The following ANO3 variants were observed in gnomAD, a reference collection of about 807,000 sequenced individuals.
ANO3 encodes the protein anoctamin 3.
Under a neutral mutation model 144.8 loss-of-function variants are expected in ANO3, and 99 were observed. The ratio of observed to expected loss-of-function variants is 0.68; its 90% CI spans 0.58 to 0.81. The LOEUF (loss-of-function observed/expected upper bound fraction) is 0.81, where lower values mean the gene tolerates loss of function less well. Among genes scored for constraint, ANO3 ranks in the 30% least tolerant of loss-of-function variants. The probability of loss-of-function intolerance (pLI) is 0.00; values close to 1 mark genes in which losing one functional copy is unlikely to be tolerated. For missense variants in ANO3, 905 were observed against 1,202.2 expected (o/e 0.75, Z 3.66); for synonymous variants, 414 against 392.6 (o/e 1.05, Z -0.64).
At chr11:26,484,220 G>GA (rs1860349609) in intron 4 of ANO3, among the ~76,000 whole-genome samples, 1 of 152,122 alleles carries the variant, frequency 6.6e-6, no homozygotes, top group Non-Finnish European at 1.5e-5. Context: ...TGGTAGAAAT[G>GA]AAAAACTGAT....
At chr11:26,301,054 A>T (rs1295293095) in intron 1 of ANO3, among the ~76,000 whole-genome samples, 1 of 147,438 alleles carries the variant, frequency 6.8e-6, no homozygotes, top group Non-Finnish European at 1.5e-5. Flanking sequence ...GGGTTTCACC[A>T]TGTTGGCCAG....
At position 26,483,630 on chromosome 11, in the gene ANO3, A is replaced by C. The variant is rs1860318540; in HGVS notation, c.432+20482A>C. Among the ~76,000 whole-genome samples, 11 of 152,298 alleles carry C rather than the reference A, an allele frequency of 7.2e-5. No individual in the cohort carries two copies. The South Asian group carries it at 2.1e-3, about 29-fold the overall frequency. Reference sequence around the variant, plus strand: ...TTCCTATACAGCCTGCAGAACCATGAGCCAATTAAACCTCTGTTCTTTATA... The same window carrying C: ...TTCCTATACAGCCTGCAGAACCATGCGCCAATTAAACCTCTGTTCTTTATA... On this transcript the variant is annotated intron_variant, in intron 4 of 26. Coordinates refer to ENST00000256737, the MANE Select transcript of ANO3 (RefSeq NM_031418.4).
At chr11:26,459,255 A>G (rs1287250290) in intron 3 of ANO3, among the ~76,000 whole-genome samples, 2 of 152,196 alleles carry the variant, frequency 1.3e-5, no homozygotes, top group East Asian at 3.9e-4. Context: ...CTGGAGATGC[A>G]GAATTATTAG....
chr11:26,659,831 G>A (rs1166767090), intron 26 of ANO3, among the ~76,000 whole-genome samples: 2 of 152,112 alleles, frequency 1.3e-5, no homozygotes, highest in Non-Finnish European at 2.9e-5. Context: ...CTGAGTTTGA[G>A]TCTAATGCTA....
chr11:26,491,801 A>G (rs1860720496), intron 4 of ANO3, among the ~76,000 whole-genome samples: 1 of 152,198 alleles, frequency 6.6e-6, no homozygotes, highest in South Asian at 2.1e-4. Flanking sequence ...ATTTTCTACA[A>G]AACAGCACAG....
chr11:26,189,856 G>A (rs1851442203), intron 1 of ANO3, among the ~76,000 whole-genome samples: 1 of 152,088 alleles, frequency 6.6e-6, no homozygotes, highest in Non-Finnish European at 1.5e-5. Context: ...AATTAAATGT[G>A]AAGAATAATT....
intron 1 of ANO3, among the ~76,000 whole-genome samples, chr11:26,301,984 G>C (rs535825659): frequency 6.6e-6 from 1 of 152,114 alleles, no homozygotes; most frequent in Non-Finnish European, 1.5e-5. Context: ...ATCCCAAATC[G>C]AAAAGTAGGG....
At chr11:26,636,963 C>T (rs7479072) in intron 20 of ANO3, among the ~76,000 whole-genome samples, 52,838 of 152,110 alleles carry the variant, frequency 0.35, 9,768 homozygotes, top group South Asian at 0.48. Context: ...AAATACACTA[C>T]AGCATCTAGT....
rs183598404 is a variant in ANO3 at position 26,352,210 on chromosome 11, C to T, written c.46+19889C>T. On this transcript the variant is annotated intron_variant, in intron 1 of 26. Transcript: ENST00000256737. ...GACTAAAAAACAAGTCTTTACTACC[C>T]AAGAACTCATTTCTTCCTCAAGTTA... Among the ~76,000 whole-genome samples, 87 of 152,242 alleles carry T rather than the reference C, an allele frequency of 5.7e-4. 1 individual carries two copies. Among genetic ancestry groups the T allele is most frequent in the Admixed American group, 1.5e-3 (23 of 15,300 alleles).
At chr11:26,304,715 A>C (rs898252678), upstream of ANO3, among the ~76,000 whole-genome samples, 18 of 152,142 alleles carry the variant, frequency 1.2e-4, no homozygotes, top group Admixed American at 1.0e-3. Context: ...ATGTTATACA[A>C]GTTTTCTTAG....
chr11:26,469,707 A>G (rs762958802), intron 4 of ANO3, among the ~76,000 whole-genome samples: 1 of 151,974 alleles, frequency 6.6e-6, no homozygotes, highest in Non-Finnish European at 1.5e-5. Flanking sequence ...AAAAGAGACA[A>G]GCTTAAGATG....
At chr11:26,308,028 T>C (rs1353838024), upstream of ANO3, among the ~76,000 whole-genome samples, 2 of 152,156 alleles carry the variant, frequency 1.3e-5, no homozygotes, top group African/African-American at 4.8e-5. Context: ...GGAGTTCAGC[T>C]TGCTTTCCAT....
At chr11:26,358,550 A>G (rs1467466147) in intron 1 of ANO3, among the ~76,000 whole-genome samples, 1 of 146,296 alleles carries the variant, frequency 6.8e-6, no homozygotes, top group Admixed American at 7.0e-5. Context: ...AGAATTGACC[A>G]TCATAATTTT....
intron 1 of ANO3, among the ~76,000 whole-genome samples, chr11:26,259,280 T>A (rs988722062): frequency 1.3e-5 from 2 of 152,186 alleles, no homozygotes; most frequent in Admixed American, 6.5e-5. Flanking sequence ...GATTGACTAT[T>A]GTGTGTATAT....
intron 18 of ANO3, among the ~76,000 whole-genome samples, chr11:26,627,326 T>C (rs1852619933): frequency 6.6e-6 from 1 of 151,770 alleles, no homozygotes; most frequent in Admixed American, 6.6e-5. Context: ...CTCTTCCCCC[T>C]CATTCTCCTC....
At chr11:26,217,346 T>C (rs898793936) in intron 1 of ANO3, among the ~76,000 whole-genome samples, 4 of 152,048 alleles carry the variant, frequency 2.6e-5, no homozygotes, top group African/African-American at 9.7e-5. Context: ...TATCAATCTC[T>C]ATCCCTCTCT....
At chr11:26,533,521 T>G (rs1849426618) in intron 8 of ANO3, among the ~76,000 whole-genome samples, 1 of 150,484 alleles carries the variant, frequency 6.6e-6, no homozygotes, top group South Asian at 2.2e-4. Context: ...CCGAGAGCCT[T>G]GGAGGAAAAT....
intron 1 of ANO3, among the ~76,000 whole-genome samples, chr11:26,420,168 G>T (rs1857710789): frequency 2.0e-5 from 3 of 151,942 alleles, no homozygotes; most frequent in Non-Finnish European, 2.9e-5. Flanking sequence ...TTTGTGTCCT[G>T]CTAGCAAGCA....
chr11:26,366,427 G>A (rs914791886), intron 1 of ANO3, among the ~76,000 whole-genome samples: 1 of 152,054 alleles, frequency 6.6e-6, no homozygotes, highest in Non-Finnish European at 1.5e-5. Context: ...CTTTGCTATT[G>A]TGAGTAGTGC....
Sources: allele counts gnomAD v4.1 joint callset (sites outside exome capture counted in the v4.1 genomes callset), GRCh38; gene constraint gnomAD v4.1.1; transcripts MANE v1.5; gene names NCBI Gene and HGNC (gene_info 2026-07-23, HGNC 2026-07-21).